Variants in GPATCH2 observed in about 807,000 individuals in gnomAD.
GPATCH2 encodes the protein G patch domain-containing protein 2.
A neutral mutation model predicts 58.0 loss-of-function variants in GPATCH2; 51 were observed. The ratio of observed to expected loss-of-function variants is 0.88; its 90% CI spans 0.70 to 1.11. The LOEUF (loss-of-function observed/expected upper bound fraction) is 1.11. Among genes scored for constraint, GPATCH2 ranks in the 50% most tolerant of loss-of-function variants. The probability of loss-of-function intolerance (pLI) is 0.00; values close to 1 mark genes in which losing one functional copy is unlikely to be tolerated. For synonymous variants in GPATCH2, 222 were observed against 218.5 expected (o/e 1.02, Z -0.14); for missense variants, 625 against 652.2 (o/e 0.96, Z 0.45).
intron 8 of GPATCH2, among the ~76,000 whole-genome samples, chr1:217,485,459 CTTTTT>C (rs56048191): frequency 7.3e-6 from 1 of 137,056 alleles, no homozygotes. Flanking sequence ...GGTTGAATAT[CTTTTT>C]TTTTTTTTTT....
chr1:217,497,083 T>C (rs1457958142), intron 7 of GPATCH2, among the ~76,000 whole-genome samples: 2 of 152,166 alleles, frequency 1.3e-5, no homozygotes, highest in East Asian at 3.8e-4. Flanking sequence ...GTCTAAAACC[T>C]AGATTTATAA....
chr1:217,512,726 C>A (rs569868417), intron 6 of GPATCH2, among the ~76,000 whole-genome samples: 1 of 152,346 alleles, frequency 6.6e-6, no homozygotes, highest in Admixed American at 6.5e-5. Flanking sequence ...CTGAAATAAA[C>A]AACTTGGTCA....
At chr1:217,615,370 T>C (rs376100596) in intron 2 of GPATCH2, among the ~76,000 whole-genome samples, 7 of 152,252 alleles carry the variant, frequency 4.6e-5, no homozygotes, top group African/African-American at 1.7e-4. Context: ...ATTAAGTGCA[T>C]GTACAAAGCT....
At chr1:217,608,651 T>C (rs949761773) in intron 5 of GPATCH2, 7 of 984,446 alleles carry the variant, frequency 7.1e-6, no homozygotes, top group Admixed American at 1.2e-4. Flanking sequence ...AGATTCATGA[T>C]TGATAAGGCA....
In GPATCH2 at chr1:217,428,412, T is replaced by A. The variant is rs1032806465; in HGVS notation, c.*2733A>T. On this transcript the variant is annotated 3_prime_UTR_variant, in exon 10 of 10. Transcript: ENST00000366935. ...TAACTGGCAAAAAATTAACTATATATAAAAGACAAATTAGTGGGCTTCAGA... is the reference window on the plus strand; with the variant it reads ...TAACTGGCAAAAAATTAACTATATAAAAAAGACAAATTAGTGGGCTTCAGA... The A allele has an allele frequency of 1.3e-5, 2 of 152,320 alleles. No homozygotes were observed. Among genetic ancestry groups the A allele is most frequent in the South Asian group, 2.1e-4 (1 of 4,828 alleles). 9.4% of individuals were successfully genotyped at this position (152,320 alleles called of 1,614,324 possible).
rs1022070730 is a variant in GPATCH2 at position 217,457,869 on chromosome 1, T to C, written c.1278-8532A>G. On this transcript the variant is annotated intron_variant, in intron 8 of 9. Coordinates refer to ENST00000366935, the MANE Select transcript of GPATCH2 (RefSeq NM_018040.5). Reference sequence around the variant, plus strand: ...AGTCCTTGAGAAGAAAACCCACTGATATTCTGACATCAGCCTATTGCTGCA... The same window carrying C: ...AGTCCTTGAGAAGAAAACCCACTGACATTCTGACATCAGCCTATTGCTGCA... Among the ~76,000 whole-genome samples, 20 of 152,318 alleles carry C rather than the reference T, an allele frequency of 1.3e-4. 1 individual carries two copies. Among genetic ancestry groups the C allele is most frequent in the Admixed American group, 1.3e-3 (20 of 15,302 alleles).
intron 5 of GPATCH2, among the ~76,000 whole-genome samples, chr1:217,549,312 C>T (rs974040170): frequency 6.6e-6 from 1 of 152,060 alleles, no homozygotes; most frequent in African/African-American, 2.4e-5. Flanking sequence ...ACTTATATTT[C>T]TCAGGATATA....
chr1:217,540,665 A>T (rs1664693763), intron 5 of GPATCH2, among the ~76,000 whole-genome samples: 1 of 152,208 alleles, frequency 6.6e-6, no homozygotes, highest in Non-Finnish European at 1.5e-5. Context: ...GGTAAACAGG[A>T]TTCAACAAGT....
At chr1:217,599,523 A>T (rs1668014028) in intron 5 of GPATCH2, among the ~76,000 whole-genome samples, 1 of 152,198 alleles carries the variant, frequency 6.6e-6, no homozygotes, top group African/African-American at 2.4e-5. Flanking sequence ...ACACTGAAGG[A>T]CCAAAACCCA....
intron 1 of GPATCH2, among the ~76,000 whole-genome samples, chr1:217,622,727 T>C (rs574004136): frequency 1.3e-5 from 2 of 152,326 alleles, no homozygotes; most frequent in East Asian, 3.9e-4. Context: ...TATTTTTTAG[T>C]AGAGACAGGG....
intron 3 of GPATCH2, among the ~76,000 whole-genome samples, chr1:217,613,171 C>T (rs1668716490): frequency 6.6e-6 from 1 of 151,994 alleles, no homozygotes; most frequent in Non-Finnish European, 1.5e-5. Context: ...TAACATATTT[C>T]AGCAAAGTAT....
intron 9 of GPATCH2, among the ~76,000 whole-genome samples, chr1:217,442,440 T>C (rs265131): frequency 0.24 from 36,093 of 152,108 alleles, 5,653 homozygotes; most frequent in African/African-American, 0.45. Flanking sequence ...TGTATACCTA[T>C]GTAACAAGCC....
intron 8 of GPATCH2, among the ~76,000 whole-genome samples, chr1:217,451,565 A>G (rs1345808640): frequency 2.0e-5 from 3 of 152,222 alleles, no homozygotes; most frequent in Non-Finnish European, 2.9e-5. Flanking sequence ...TAAAATCTTT[A>G]ACACATACCC....
intron 5 of GPATCH2, among the ~76,000 whole-genome samples, chr1:217,526,537 A>T (rs1284861917): frequency 6.6e-6 from 1 of 152,236 alleles, no homozygotes; most frequent in East Asian, 1.9e-4. Context: ...AACAAATAGC[A>T]GTGTAAGCAT....
rs546813322 is a variant in GPATCH2, at chr1:217,592,583, C to T, written c.1098+17738G>A. Among the ~76,000 whole-genome samples the T allele has an allele frequency of 1.1e-4, 16 of 151,940 alleles. No individual in the cohort carries two copies. The South Asian group carries it at 3.3e-3, about 31-fold the overall frequency. The stretch of plus-strand genomic sequence containing the variant: ...AAGAGTGTAAAGAATGGGAAATGTT[C>T]ATGAATCATTTATCGAATTTTTAAA... On this transcript the variant is annotated intron_variant, in intron 5 of 9. Coordinates refer to ENST00000366935, the MANE Select transcript of GPATCH2 (RefSeq NM_018040.5).
At chr1:217,511,666 T>C (rs1031970330) in intron 6 of GPATCH2, among the ~76,000 whole-genome samples, 14 of 152,176 alleles carry the variant, frequency 9.2e-5, no homozygotes, top group Admixed American at 9.2e-4. Flanking sequence ...TACCTTCTTC[T>C]GTTAAAGGAC....
At position 217,499,487 on chromosome 1, in the gene GPATCH2, G is replaced by C. The variant is rs77697119; in HGVS notation, c.1167-1092C>G. Among the ~76,000 whole-genome samples the C allele has an allele frequency of 3.3e-3, 496 of 152,226 alleles. 2 individuals are homozygous for C. Among genetic ancestry groups the C allele is most frequent in the African/African-American group, 0.011 (457 of 41,550 alleles). ...TTCTTTGCATTCTCTAGCCTCTGTGGTATTAAAACCAGGAACAAACAGCCT... is the reference window on the plus strand; with the variant it reads ...TTCTTTGCATTCTCTAGCCTCTGTGCTATTAAAACCAGGAACAAACAGCCT... On this transcript the variant is annotated intron_variant, in intron 6 of 9. Coordinates refer to ENST00000366935, the MANE Select transcript of GPATCH2 (RefSeq NM_018040.5).
intron 9 of GPATCH2, among the ~76,000 whole-genome samples, chr1:217,436,114 TTAACA>T (rs1376752913): frequency 2.0e-5 from 3 of 152,128 alleles, no homozygotes; most frequent in Non-Finnish European, 4.4e-5. Flanking sequence ...AGTGTTCTTA[TTAACA>T]TATGTTTTTA....
chr1:217,588,994 A>C (rs1290528308), intron 5 of GPATCH2, among the ~76,000 whole-genome samples: 3 of 152,174 alleles, frequency 2.0e-5, no homozygotes, highest in African/African-American at 4.8e-5. Context: ...TTTTTAGGAC[A>C]TTTTCATCGA....
Sources: gnomAD v4.1 joint callset for allele counts (sites outside exome capture counted in the v4.1 genomes callset) on GRCh38, gnomAD v4.1.1 for gene constraint, MANE v1.5 for transcripts, NCBI Gene and HGNC (gene_info 2026-07-23, HGNC 2026-07-21) for gene names.